The following PCDH15 variants were observed in gnomAD, a reference collection of about 807,000 sequenced individuals.
PCDH15 encodes protocadherin-15.
In PCDH15, 129 loss-of-function variants were observed where a neutral mutation model predicts 178.5. The ratio of observed to expected loss-of-function variants is 0.72; its 90% CI spans 0.63 to 0.84. The LOEUF is 0.84. Ranked by LOEUF, PCDH15 falls within the 40% of genes least tolerant of loss-of-function variation. PCDH15 has a pLI of 0.00. For synonymous variants in PCDH15, 800 were observed against 732.0 expected, an observed-to-expected ratio of 1.09 and a Z score of -1.50; for missense variants, 2,230 against 2,099.9, an observed-to-expected ratio of 1.06 and a Z score of -1.21.
At chr10:53,833,385 T>G (rs1452238355) in intron 29 of PCDH15, among the ~76,000 whole-genome samples, 1 of 152,132 alleles carries the variant, frequency 6.6e-6, no homozygotes, top group Non-Finnish European at 1.5e-5. Flanking sequence ...ACTAGAAGGA[T>G]GGATCACTTT....
chr10:54,794,812 C>T (rs2133607469), intron 1 of PCDH15, among the ~76,000 whole-genome samples: 1 of 151,968 alleles, frequency 6.6e-6, no homozygotes, highest in Non-Finnish European at 1.5e-5. Context: ...AATAAACATT[C>T]AAACCAAACT....
chr10:54,501,236 T>TAAA lies in PCDH15; in HGVS notation c.157+26573_157+26575dup, dbSNP rs796065889. Among the ~76,000 whole-genome samples the TAAA allele has an allele frequency of 7.4e-5, 8 of 107,560 alleles. No individual in the cohort carries two copies. In the East Asian group the frequency reaches 1.7e-3, roughly 22 times the overall value. The allele number at this position is 107,560 out of a possible 152,430, so 70.6% of individuals were successfully genotyped here. On this transcript the variant is annotated intron_variant, in intron 3 of 37. Coordinates refer to ENST00000644397, the MANE Select transcript of PCDH15 (RefSeq NM_001384140.1). ...TATCCCAGAAATTAAAGTATAATAA[T>TAAA]AAAAAAAAAAAAGGTTCCACAAGGT...
intron 3 of PCDH15, among the ~76,000 whole-genome samples, chr10:54,458,764 A>G (rs991930077): frequency 2.0e-4 from 31 of 152,078 alleles, no homozygotes; most frequent in Admixed American, 1.7e-3. Flanking sequence ...TAGTAGTAAA[A>G]ACAACGTATT....
rs532830177 is a variant in PCDH15, at chr10:54,884,116, T to G, written c.-29+13334A>C. On this transcript the variant is annotated intron_variant, in intron 3 of 5. Transcript: ENST00000458638. Reference sequence around the variant, plus strand: ...GGTACAACTGCACACTCAAATCAGTTTTAGTACAGCCGGGTATCAGAGTAA... The same window carrying G: ...GGTACAACTGCACACTCAAATCAGTGTTAGTACAGCCGGGTATCAGAGTAA... 1.4e-3 allele frequency among the ~76,000 whole-genome samples: 208 copies of G among 152,100 alleles called. 1 individual carries two copies. Among genetic ancestry groups the G allele is most frequent in the African/African-American group, 4.8e-3 (200 of 41,546 alleles).
At chr10:54,206,812 C>A (rs1030607516) in intron 10 of PCDH15, among the ~76,000 whole-genome samples, 1 of 151,918 alleles carries the variant, frequency 6.6e-6, no homozygotes, top group Non-Finnish European at 1.5e-5. Flanking sequence ...TTCTATGGAA[C>A]CAAGAAACCT....
At chr10:54,310,952 A>T (rs574794988) in intron 8 of PCDH15, among the ~76,000 whole-genome samples, 1 of 152,234 alleles carries the variant, frequency 6.6e-6, no homozygotes, top group African/African-American at 2.4e-5. Flanking sequence ...ATTTAATGTG[A>T]GGCTATGCCA....
chr10:54,965,928 T>A (rs575408872), intron 2 of PCDH15, among the ~76,000 whole-genome samples: 1 of 150,944 alleles, frequency 6.6e-6, no homozygotes, highest in South Asian at 2.1e-4. Context: ...GTATATTATA[T>A]ATGCAGCACA....
intron 2 of PCDH15, among the ~76,000 whole-genome samples, chr10:55,388,000 A>T (rs2132009942): frequency 6.6e-6 from 1 of 152,220 alleles, no homozygotes; most frequent in South Asian, 2.1e-4. Context: ...TGGCTCAAAT[A>T]TTTGATTACA....
chr10:55,386,922 C>A (rs1837675609), intron 2 of PCDH15, among the ~76,000 whole-genome samples: 1 of 151,962 alleles, frequency 6.6e-6, no homozygotes, highest in Admixed American at 6.6e-5. Flanking sequence ...ATTTTTATTT[C>A]CTCACTGGTG....
At chr10:54,382,149 G>A (rs1949313193) in intron 3 of PCDH15, among the ~76,000 whole-genome samples, 2 of 151,996 alleles carry the variant, frequency 1.3e-5, no homozygotes, top group Admixed American at 1.3e-4. Context: ...CTTAAATACT[G>A]GGATTTGTGC....
intron 2 of PCDH15, among the ~76,000 whole-genome samples, chr10:54,637,505 A>T (rs2093884937): frequency 6.6e-6 from 1 of 152,000 alleles, no homozygotes; most frequent in African/African-American, 2.4e-5. Context: ...TTATCAGTTA[A>T]TAACAGTTAA....
chr10:55,030,880 G>T (rs999755195), intron 2 of PCDH15, among the ~76,000 whole-genome samples: 9 of 151,926 alleles, frequency 5.9e-5, no homozygotes, highest in African/African-American at 2.2e-4. Context: ...GGTAAAAGAA[G>T]CAAGCTGTAA....
intron 3 of PCDH15, among the ~76,000 whole-genome samples, chr10:54,383,801 A>G (rs530577823): frequency 1.3e-5 from 2 of 151,920 alleles, no homozygotes; most frequent in South Asian, 2.1e-4. Flanking sequence ...TTGAAATCAA[A>G]GAAACAAATA....
intron 13 of PCDH15, among the ~76,000 whole-genome samples, chr10:54,181,175 AAACTAT>A (rs2047950483): frequency 6.6e-6 from 1 of 152,172 alleles, no homozygotes; most frequent in African/African-American, 2.4e-5. Context: ...TTATTTATGT[AAACTAT>A]GATTTTTCTA....
At chr10:54,575,794 T>G (rs1442216940) in intron 2 of PCDH15, among the ~76,000 whole-genome samples, 1 of 152,190 alleles carries the variant, frequency 6.6e-6, no homozygotes, top group East Asian at 1.9e-4. Context: ...CTCAGACACT[T>G]CCACATAAGA....
chr10:55,554,336 T>A (rs889793546), intron 2 of PCDH15, among the ~76,000 whole-genome samples: 1 of 152,076 alleles, frequency 6.6e-6, no homozygotes, highest in African/African-American at 2.4e-5. Flanking sequence ...AAAGGTTTTT[T>A]AAATTTATTA....
intron 28 of PCDH15, among the ~76,000 whole-genome samples, chr10:53,844,116 G>A (rs2077824795): frequency 6.6e-6 from 1 of 151,672 alleles, no homozygotes; most frequent in Non-Finnish European, 1.5e-5. Context: ...TTGTATAAAT[G>A]TGCTGATGTA....
chr10:54,254,058 AT>A (rs1376099221), intron 8 of PCDH15, among the ~76,000 whole-genome samples: 1 of 152,108 alleles, frequency 6.6e-6, no homozygotes, highest in Non-Finnish European at 1.5e-5. Flanking sequence ...TAAGTAAACC[AT>A]TTTTAGGCAT....
At chr10:54,169,069 C>A (rs1485487153) in intron 13 of PCDH15, among the ~76,000 whole-genome samples, 2 of 152,128 alleles carry the variant, frequency 1.3e-5, no homozygotes, top group South Asian at 2.1e-4. Context: ...GGAATGCCTG[C>A]AGCCCGGGAT....
Sources: allele counts gnomAD v4.1 joint callset (sites outside exome capture counted in the v4.1 genomes callset), GRCh38; gene constraint gnomAD v4.1.1; transcripts MANE v1.5; gene names NCBI Gene and HGNC (gene_info 2026-07-23, HGNC 2026-07-21).